Variants in PROX1 observed in about 807,000 individuals in gnomAD.
The protein encoded by PROX1 is prospero homeobox 1.
A neutral mutation model predicts 58.8 loss-of-function variants in PROX1; 7 were observed. The observed-to-expected ratio is 0.12, with a 90% CI of 0.07 to 0.22. The LOEUF is 0.22. Among genes scored for constraint, PROX1 ranks in the 10% least tolerant of loss-of-function variants. The pLI, the probability that PROX1 is intolerant of heterozygous loss-of-function variation, is 1.00. For missense variants in PROX1, 675 were observed against 927.8 expected (o/e 0.73, Z 3.54); for synonymous variants, 350 against 358.3 (o/e 0.98, Z 0.26).
At chr1:214,017,747 T>G (rs1664145474) in intron 4 of PROX1, among the ~76,000 whole-genome samples, 1 of 152,184 alleles carries the variant, frequency 6.6e-6, no homozygotes, top group South Asian at 2.1e-4. Flanking sequence ...CGAAGCCATT[T>G]AGCAAACACA....
chr1:214,001,599 T>C (rs1290284774), intron 2 of PROX1, among the ~76,000 whole-genome samples: 2 of 152,148 alleles, frequency 1.3e-5, no homozygotes, highest in Non-Finnish European at 2.9e-5. Flanking sequence ...TACTCAACTT[T>C]TAGGGAGAAT....
At chr1:214,006,189 G>A (rs1433957986) in intron 3 of PROX1, among the ~76,000 whole-genome samples, 1 of 143,396 alleles carries the variant, frequency 7.0e-6, no homozygotes, top group Non-Finnish European at 1.5e-5. Flanking sequence ...ATATGTACAA[G>A]TTCTTCTTTC....
At chr1:213,989,499 G>T (rs559948106) in intron 1 of PROX1, among the ~76,000 whole-genome samples, 2 of 152,164 alleles carry the variant, frequency 1.3e-5, no homozygotes, top group South Asian at 4.2e-4. Context: ...GTCTCGTCTG[G>T]GTGGTACCTA....
intron 4 of PROX1, among the ~76,000 whole-genome samples, chr1:214,031,749 C>T (rs987308798): frequency 1.3e-5 from 2 of 152,130 alleles, no homozygotes; most frequent in African/African-American, 4.8e-5. Context: ...GATGCTCCCA[C>T]AAAACATCAG....
rs747217851 is a variant in PROX1 at position 213,997,948 on chromosome 1, C to T, written c.1413C>T (p.Ala471=). 1 of 1,614,006 alleles carries T rather than the reference C, an allele frequency of 6.2e-7. No individual in the cohort carries two copies. The highest frequency in any genetic ancestry group is 2.2e-5 in the East Asian group (1 of 44,876). The change falls in exon 2 of 5, where the codon GCC becomes GCT. Residue 471 remains alanine (A), a synonymous_variant. Coordinates refer to ENST00000366958, the MANE Select transcript of PROX1 (RefSeq NM_001270616.2). The surrounding 1 kb of genome is among the most constrained non-coding windows in gnomAD (Gnocchi z 7.1). Reference sequence around the variant, plus strand: ...CCCTGCACCAGTCGCCTCTCTCTGCCACCACGGGCTTCACCACGTCCACCT... The same window carrying T: ...CCCTGCACCAGTCGCCTCTCTCTGCTACCACGGGCTTCACCACGTCCACCT... The part of the protein sequence containing the change: ...HQPLHQSPLS[A]TTGFTTSTFR...
At chr1:214,025,288 A>G (rs1664414051) in intron 4 of PROX1, among the ~76,000 whole-genome samples, 1 of 152,164 alleles carries the variant, frequency 6.6e-6, no homozygotes, top group South Asian at 2.1e-4. Flanking sequence ...AATCAATCGA[A>G]CTATCCTCCA....
intron 1 of PROX1, among the ~76,000 whole-genome samples, chr1:213,994,755 ATAT>A (rs1663182646): frequency 8.3e-5 from 1 of 12,012 alleles, no homozygotes; most frequent in Non-Finnish European, 1.7e-4. Context: ...ATGCAAATAT[ATAT>A]ATATATATAT....
chr1:214,004,015 T>C lies in PROX1; in HGVS notation c.1726-1150T>C, dbSNP rs550683900. Among the ~76,000 whole-genome samples the C allele has an allele frequency of 1.2e-4, 18 of 152,254 alleles. No homozygotes were observed. In the South Asian group the frequency reaches 2.3e-3, roughly 19 times the overall value. ...GCACACACAAGCACACTTTCTTTTC[T>C]TTTTTTTCTTATTTTTCTTAGACAC... On this transcript the variant is annotated intron_variant, in intron 2 of 4. Transcript: ENST00000366958.
At chr1:214,025,015 G>T (rs1208701543) in intron 4 of PROX1, among the ~76,000 whole-genome samples, 3 of 152,206 alleles carry the variant, frequency 2.0e-5, no homozygotes, top group East Asian at 1.9e-4. Flanking sequence ...GTATATGATT[G>T]CAGGGCTTAT....
chr1:214,031,425 A>ACTT (rs1199786231), intron 4 of PROX1, among the ~76,000 whole-genome samples: 1 of 151,990 alleles, frequency 6.6e-6, no homozygotes, highest in Non-Finnish European at 1.5e-5. Flanking sequence ...CCAGCCAAAG[A>ACTT]CTTTGGAAGC....
At chr1:214,017,879 A>G (rs977231954) in intron 4 of PROX1, among the ~76,000 whole-genome samples, 3 of 152,150 alleles carry the variant, frequency 2.0e-5, no homozygotes, top group African/African-American at 7.2e-5. Context: ...GTGTGGAGTG[A>G]TGCCTATTGT....
In PROX1 at chr1:214,035,699, C is replaced by T. The variant is rs763840436; in HGVS notation, c.2079C>T (p.Phe693=). The T allele has an allele frequency of 2.7e-5, 44 of 1,613,908 alleles. No homozygotes were observed. Among genetic ancestry groups the T allele is most frequent in the Non-Finnish European group, 3.6e-5 (43 of 1,179,886 alleles). The change falls in exon 5 of 5, where the codon TTC becomes TTT. Residue 693 remains phenylalanine, a synonymous_variant. Coordinates refer to ENST00000366958, the MANE Select transcript of PROX1 (RefSeq NM_001270616.2). The part of the protein sequence containing the change: ...EVAQITLREF[F]NAIIAGKDVD... ...CTCAGATCACATTACGGGAGTTTTT[C>T]AATGCCATTATCGCAGGCAAAGATG...
intron 4 of PROX1, among the ~76,000 whole-genome samples, chr1:214,031,493 G>A (rs1353990801): frequency 6.6e-6 from 1 of 151,860 alleles, no homozygotes; most frequent in Non-Finnish European, 1.5e-5. Flanking sequence ...TCCTCCGCCC[G>A]CCCTCCCCAG....
intron 4 of PROX1, among the ~76,000 whole-genome samples, chr1:214,013,432 C>T (rs985944267): frequency 4.6e-5 from 7 of 152,184 alleles, no homozygotes; most frequent in Admixed American, 2.0e-4. Context: ...GAATTATTTA[C>T]ATTACATGAT....
chr1:213,998,454 A>T (rs1251877751), intron 2 of PROX1, among the ~76,000 whole-genome samples, 194 bp downstream of exon 2: 1 of 152,230 alleles, frequency 6.6e-6, no homozygotes, highest in East Asian at 1.9e-4. Context: ...AAACTAAGCC[A>T]ACATCTTTGC....
intron 3 of PROX1, among the ~76,000 whole-genome samples, chr1:214,008,054 CA>C (rs1663778294): frequency 9.7e-6 from 1 of 103,252 alleles, no homozygotes; most frequent in African/African-American, 3.8e-5. Flanking sequence ...TTATTTTATT[CA>C]ATTTTTTTTT....
rs1664836131 is a variant in PROX1, at chr1:214,036,552, C to G, written c.*718C>G. The G allele has an allele frequency of 6.6e-6, 1 of 152,186 alleles. No homozygotes were observed. Among genetic ancestry groups the G allele is most frequent in the Admixed American group, 6.5e-5 (1 of 15,280 alleles). 9.4% of individuals were successfully genotyped at this position (152,186 alleles called of 1,614,324 possible). On this transcript the variant is annotated 3_prime_UTR_variant, in exon 5 of 5. Transcript: ENST00000366958. ...TCAAGATGAGACTAGAAATTCATAC[C>G]TGGTCTTGTAGCCACCTCTCTAAAC...
intron 4 of PROX1, chr1:214,030,711 C>T (rs1190598758): frequency 6.6e-6 from 1 of 152,156 alleles, no homozygotes; most frequent in Non-Finnish European, 1.5e-5. Flanking sequence ...TTTGTAATTC[C>T]CCTTCTATTC....
chr1:214,013,464 G>A (rs941760661), intron 4 of PROX1, among the ~76,000 whole-genome samples: 3 of 152,102 alleles, frequency 2.0e-5, no homozygotes, highest in African/African-American at 7.2e-5. Flanking sequence ...CTGTTTGGCA[G>A]CATACATCAA....
Sources: allele counts gnomAD v4.1 joint callset (sites outside exome capture counted in the v4.1 genomes callset), GRCh38; gene constraint gnomAD v4.1.1; non-coding constraint Gnocchi (gnomAD v3.1); transcripts MANE v1.5; gene names NCBI Gene and HGNC (gene_info 2026-07-23, HGNC 2026-07-21).